The following TASP1 variants were observed in gnomAD, a reference collection of about 807,000 sequenced individuals.
TASP1 encodes taspase 1.
Under a neutral mutation model 56.6 loss-of-function variants are expected in TASP1, and 16 were observed. That is an observed-to-expected ratio of 0.28 (90% confidence interval 0.19 to 0.43). The LOEUF is 0.43. Ranked by LOEUF, TASP1 falls within the 20% of genes least tolerant of loss-of-function variation. The pLI, the probability that TASP1 is intolerant of heterozygous loss-of-function variation, is 1.00. For synonymous variants in TASP1, 179 were observed against 184.2 expected (o/e 0.97, Z 0.23); for missense variants, 393 against 511.6 (o/e 0.77, Z 2.24).
chr20:13,598,260 T>G (rs2047820850), intron 4 of TASP1, among the ~76,000 whole-genome samples: 1 of 152,310 alleles, frequency 6.6e-6, no homozygotes, highest in Middle Eastern at 3.4e-3. Flanking sequence ...GCTGGAGGCA[T>G]CATGCTACCT....
At chr20:13,162,396 G>C in the TASP1 span, among the ~76,000 whole-genome samples, 1 of 152,148 alleles carries the variant, frequency 6.6e-6, no homozygotes, top group Non-Finnish European at 1.5e-5. Flanking sequence ...GCTTTGAAAG[G>C]ATACTGAGAC....
chr20:13,220,480 T>G, the TASP1 span, among the ~76,000 whole-genome samples: 1 of 152,088 alleles, frequency 6.6e-6, no homozygotes. Context: ...CCAAATCCCC[T>G]CTGGGCGCGG....
chr20:13,189,950 C>A, the TASP1 span, among the ~76,000 whole-genome samples: 1 of 152,170 alleles, frequency 6.6e-6, no homozygotes, highest in East Asian at 1.9e-4. Flanking sequence ...TACATATACA[C>A]CATGCAATAC....
the TASP1 span, among the ~76,000 whole-genome samples, chr20:13,233,858 C>T: frequency 1.1e-4 from 16 of 152,288 alleles, no homozygotes; most frequent in African/African-American, 2.9e-4. Flanking sequence ...TCAGCCCTTG[C>T]GCCCAGAATG....
At chr20:13,185,603 C>T in the TASP1 span, among the ~76,000 whole-genome samples, 2 of 152,138 alleles carry the variant, frequency 1.3e-5, no homozygotes, top group Non-Finnish European at 2.9e-5. Flanking sequence ...TTTTGTTGCA[C>T]ACCTGTACTT....
At chr20:13,584,378 G>A (rs1428106553) in intron 5 of TASP1, among the ~76,000 whole-genome samples, 1 of 152,126 alleles carries the variant, frequency 6.6e-6, no homozygotes, top group Non-Finnish European at 1.5e-5. Flanking sequence ...ATTCCAATAT[G>A]ATTAAGGACA....
At chr20:13,221,222 C>A in the TASP1 span, among the ~76,000 whole-genome samples, 98 of 42,320 alleles carry the variant, frequency 2.3e-3, no homozygotes, top group East Asian at 0.024. Flanking sequence ...CCCTCCTACT[C>A]CTCCTCCTCC....
At chr20:13,484,733 C>CAA (rs34720600) in intron 10 of TASP1, among the ~76,000 whole-genome samples, 5,203 of 81,040 alleles carry the variant, frequency 0.064, 175 homozygotes, top group African/African-American at 0.12. Context: ...CAAGATTTCT[C>CAA]AAAAAAAAAA....
At chr20:13,208,356 C>T in the TASP1 span, among the ~76,000 whole-genome samples, 1 of 152,108 alleles carries the variant, frequency 6.6e-6, no homozygotes, top group South Asian at 2.1e-4. Flanking sequence ...TATAGGAAAA[C>T]TAAGCTGAAA....
chr20:13,202,356 T>C, the TASP1 span, among the ~76,000 whole-genome samples: 1 of 152,348 alleles, frequency 6.6e-6, no homozygotes, highest in South Asian at 2.1e-4. Context: ...TTCAAGGTCA[T>C]TGTAAAATGT....
chr20:13,517,319 G>C (rs2044578031), intron 10 of TASP1, among the ~76,000 whole-genome samples: 1 of 152,040 alleles, frequency 6.6e-6, no homozygotes, highest in Non-Finnish European at 1.5e-5. Context: ...TTTATTGCAT[G>C]AGGCCAATTA....
intron 13 of TASP1, 143 bp downstream of exon 13, chr20:13,417,305 C>T: frequency 2.8e-6 from 2 of 724,688 alleles, no homozygotes; most frequent in Non-Finnish European, 4.6e-6. Context: ...GCATTGTTAA[C>T]TGTTCTTATT....
At chr20:13,597,718 A>G (rs922024646) in intron 4 of TASP1, among the ~76,000 whole-genome samples, 1 of 152,200 alleles carries the variant, frequency 6.6e-6, no homozygotes, top group Non-Finnish European at 1.5e-5. Flanking sequence ...AGGGTATTCA[A>G]TTAGGAAAAG....
chr20:13,587,135 G>A (rs1472586705), intron 5 of TASP1, 115 bp downstream of exon 5: 1 of 1,313,778 alleles, frequency 7.6e-7, no homozygotes, highest in African/African-American at 1.5e-5. Flanking sequence ...AAGAACATTT[G>A]TTTTAAACAC....
At chr20:13,252,419 G>A in the TASP1 span, among the ~76,000 whole-genome samples, 1 of 152,172 alleles carries the variant, frequency 6.6e-6, no homozygotes, top group African/African-American at 2.4e-5. Context: ...TCATCGTGGG[G>A]AGGCTTTTGC....
intron 13 of TASP1, among the ~76,000 whole-genome samples, chr20:13,407,967 T>G (rs1363702781): frequency 6.6e-6 from 1 of 152,190 alleles, no homozygotes; most frequent in Non-Finnish European, 1.5e-5. Context: ...TGGTACAAGC[T>G]CCTCACCAAT....
At chr20:13,326,097 C>T in the TASP1 span, among the ~76,000 whole-genome samples, 4 of 152,196 alleles carry the variant, frequency 2.6e-5, no homozygotes, top group Admixed American at 2.0e-4. Flanking sequence ...TTCTTTCGCT[C>T]AGCATAAGGC....
chr20:13,281,582 T>G, the TASP1 span, among the ~76,000 whole-genome samples: 1 of 152,178 alleles, frequency 6.6e-6, no homozygotes, highest in Non-Finnish European at 1.5e-5. Context: ...GACCTGAGAT[T>G]CACCCCAGGC....
the TASP1 span, among the ~76,000 whole-genome samples, chr20:13,317,519 T>C: frequency 6.6e-6 from 1 of 152,024 alleles, no homozygotes; most frequent in Admixed American, 6.5e-5. Context: ...GGTAAACGAC[T>C]CATACTACCT....
Sources: allele counts gnomAD v4.1 joint callset (sites outside exome capture counted in the v4.1 genomes callset), GRCh38; gene constraint gnomAD v4.1.1; transcripts MANE v1.5; gene names NCBI Gene and HGNC (gene_info 2026-07-23, HGNC 2026-07-21).